GABBR2: variants seen among roughly 807,000 people sequenced by gnomAD.
GABBR2 encodes gamma-aminobutyric acid type B receptor subunit 2, also known as G-protein coupled receptor 51.
A neutral mutation model predicts 105.6 loss-of-function variants in GABBR2; 23 were observed. The observed-to-expected ratio is 0.22, with a 90% CI of 0.16 to 0.31. The LOEUF is 0.31. GABBR2 is among the 10% of genes least tolerant of loss of function. GABBR2 has a pLI of 1.00. For missense variants in GABBR2, 734 were observed against 1,245.5 expected (o/e 0.59, Z 6.18); for synonymous variants, 478 against 499.7 (o/e 0.96, Z 0.58).
rs1368043468 is a variant in GABBR2, at chr9:98,288,519, A to G, written c.*2065T>C. 6.6e-6 allele frequency: 1 copy of G among 152,154 alleles called. No individual in the cohort carries two copies. The highest frequency in any genetic ancestry group is 1.9e-4 in the East Asian group (1 of 5,204). The allele number at this position is 152,154 out of a possible 1,614,324, so 9.4% of individuals were successfully genotyped here. On this transcript the variant is annotated 3_prime_UTR_variant, in exon 19 of 19. Transcript: ENST00000259455. ...TTTGTTTGTTTTCCTGCTATGCTGG[A>G]ATAATATTTCTACAGGTATTTTTTT... is the stretch of plus-strand genomic sequence containing the variant.
intron 13 of GABBR2, among the ~76,000 whole-genome samples, chr9:98,312,223 A>G (rs756872894): frequency 4.6e-5 from 7 of 152,228 alleles, no homozygotes; most frequent in Non-Finnish European, 8.8e-5. Flanking sequence ...GGATTTTCCA[A>G]TGCAGGATCC....
In GABBR2 at chr9:98,300,160, G is replaced by A. The variant is rs569094165; in HGVS notation, c.2413-807C>T. Among the ~76,000 whole-genome samples, 10 of 151,546 alleles carry A rather than the reference G, an allele frequency of 6.6e-5. No homozygotes were observed. The East Asian group carries it at 1.6e-3, about 24-fold the overall frequency. On this transcript the variant is annotated intron_variant, in intron 16 of 18. Coordinates refer to ENST00000259455, the MANE Select transcript of GABBR2 (RefSeq NM_005458.8). ...TTTACAGGCATGAACTACTGTGCCT[G>A]GCCTTATAATTACTATTACTGATAC... is the stretch of plus-strand genomic sequence containing the variant.
At chr9:98,380,423 CT>C (rs1481410413) in intron 11 of GABBR2, among the ~76,000 whole-genome samples, 57 of 152,236 alleles carry the variant, frequency 3.7e-4, no homozygotes, top group South Asian at 2.1e-4. Flanking sequence ...AAGGCAAGTG[CT>C]TTTTCTCATC....
chr9:98,634,452 T>C (rs1829853065), intron 1 of GABBR2, among the ~76,000 whole-genome samples: 1 of 152,192 alleles, frequency 6.6e-6, no homozygotes, highest in South Asian at 2.1e-4. Flanking sequence ...ATCCAATGAC[T>C]GATAACCCTG....
At chr9:98,419,757 C>T (rs1446274906) in intron 7 of GABBR2, among the ~76,000 whole-genome samples, 9 of 152,052 alleles carry the variant, frequency 5.9e-5, no homozygotes, top group Non-Finnish European at 1.0e-4. Flanking sequence ...GTTTTTGTGT[C>T]TTGTTTTGTA....
chr9:98,545,989 G>C (rs1164401034), intron 2 of GABBR2, among the ~76,000 whole-genome samples: 2 of 152,238 alleles, frequency 1.3e-5, no homozygotes, highest in African/African-American at 4.8e-5. Context: ...TTGAGGCTTT[G>C]AGTTAATTCC....
chr9:98,691,350 T>C (rs377693538), intron 1 of GABBR2, among the ~76,000 whole-genome samples: 219 of 152,274 alleles, frequency 1.4e-3, no homozygotes, highest in African/African-American at 5.0e-3. Flanking sequence ...CTCGATGAGT[T>C]ACAGGGCTTG....
At chr9:98,330,263 A>T (rs145520550) in intron 13 of GABBR2, among the ~76,000 whole-genome samples, 6 of 152,320 alleles carry the variant, frequency 3.9e-5, no homozygotes, top group African/African-American at 1.4e-4. Flanking sequence ...TCTTTTGAAG[A>T]CTTGGCAAAA....
chr9:98,458,652 C>A (rs1826367923), intron 6 of GABBR2, among the ~76,000 whole-genome samples: 1 of 152,170 alleles, frequency 6.6e-6, no homozygotes, highest in Non-Finnish European at 1.5e-5. Context: ...TTGCAGTGAG[C>A]CGAGATTGCA....
At chr9:98,605,271 G>T (rs1829398719) in intron 1 of GABBR2, among the ~76,000 whole-genome samples, 2 of 152,216 alleles carry the variant, frequency 1.3e-5, no homozygotes, top group Non-Finnish European at 2.9e-5. Flanking sequence ...CCAGAGCTTG[G>T]AGGCAACAAG....
chr9:98,426,040 G>A (rs763735855), intron 7 of GABBR2, among the ~76,000 whole-genome samples: 8 of 152,166 alleles, frequency 5.3e-5, no homozygotes, highest in Non-Finnish European at 7.4e-5. Flanking sequence ...ATGAAGAAAC[G>A]GAGAGGACAT....
intron 18 of GABBR2, among the ~76,000 whole-genome samples, chr9:98,292,482 A>T (rs1249304507): frequency 2.0e-5 from 3 of 152,222 alleles, no homozygotes; most frequent in Non-Finnish European, 4.4e-5. Flanking sequence ...GTTCTGAGAT[A>T]GATGGGTACA....
chr9:98,309,283 TG>T (rs1564010973), intron 14 of GABBR2, among the ~76,000 whole-genome samples: 5 of 152,230 alleles, frequency 3.3e-5, no homozygotes, highest in Admixed American at 3.3e-4. Flanking sequence ...GAGAAGACAA[TG>T]AATGATCAAA....
At chr9:98,498,916 T>C (rs973333408) in intron 3 of GABBR2, among the ~76,000 whole-genome samples, 1 of 152,368 alleles carries the variant, frequency 6.6e-6, no homozygotes. Context: ...CATGTGGCCC[T>C]CCTGGGAGGA....
intron 13 of GABBR2, among the ~76,000 whole-genome samples, chr9:98,350,394 T>G (rs774791420): frequency 3.9e-5 from 6 of 152,158 alleles, no homozygotes; most frequent in Non-Finnish European, 7.4e-5. Flanking sequence ...TTTCCCTCTT[T>G]GCACTGCTTT....
intron 1 of GABBR2, among the ~76,000 whole-genome samples, chr9:98,614,067 G>A (rs1829545807): frequency 6.6e-6 from 1 of 152,108 alleles, no homozygotes; most frequent in Admixed American, 6.6e-5. Context: ...CAATAGATTT[G>A]AGTAGAAAAA....
intron 1 of GABBR2, among the ~76,000 whole-genome samples, chr9:98,692,143 T>A (rs536453476): frequency 6.6e-6 from 1 of 152,312 alleles, no homozygotes; most frequent in East Asian, 1.9e-4. Context: ...TAAGTGCTCT[T>A]ACCAGGGTCA....
At chr9:98,474,695 C>A (rs955128882) in intron 5 of GABBR2, among the ~76,000 whole-genome samples, 3 of 152,064 alleles carry the variant, frequency 2.0e-5, no homozygotes, top group Non-Finnish European at 1.5e-5. Flanking sequence ...GGGAGAGAAG[C>A]CTGAGATTGC....
intron 1 of GABBR2, among the ~76,000 whole-genome samples, chr9:98,620,247 T>TTCTCTCTCTC (rs112127893): frequency 0.015 from 2,269 of 146,580 alleles, 42 homozygotes; most frequent in Admixed American, 0.056. Flanking sequence ...TTTTCTCTCT[T>TTCTCTCTCTC]TCTCTCTCTC....
Sources: gnomAD v4.1 joint callset for allele counts (sites outside exome capture counted in the v4.1 genomes callset) on GRCh38, gnomAD v4.1.1 for gene constraint, MANE v1.5 for transcripts, NCBI Gene and HGNC (gene_info 2026-07-23, HGNC 2026-07-21) for gene names.